CNTN3: variants seen among roughly 807,000 people sequenced by gnomAD.
CNTN3 encodes the protein contactin 3.
In CNTN3, 60 loss-of-function variants were observed where a neutral mutation model predicts 119.1. That is an observed-to-expected ratio of 0.50 (90% CI 0.41 to 0.62). The LOEUF is 0.62. CNTN3 is among the 20% of genes least tolerant of loss of function. CNTN3 has a pLI of 0.00. For synonymous variants in CNTN3, 450 were observed against 438.7 expected (o/e 1.03, Z -0.32); for missense variants, 1,101 against 1,242.4 (o/e 0.89, Z 1.71).
chr3:74,389,244 T>C (rs979472317), intron 5 of CNTN3, among the ~76,000 whole-genome samples: 3 of 152,216 alleles, frequency 2.0e-5, no homozygotes, highest in Admixed American at 6.5e-5. Flanking sequence ...AATTAATAAA[T>C]TGGATTAATT....
At chr3:74,408,244 T>C (rs959501744) in intron 5 of CNTN3, among the ~76,000 whole-genome samples, 5 of 152,200 alleles carry the variant, frequency 3.3e-5, no homozygotes, top group African/African-American at 1.2e-4. Context: ...AGACTAGGAA[T>C]ATTTCTGAGA....
In CNTN3 at chr3:74,264,458, G is replaced by T. The variant is rs199678199; in HGVS notation, c.3030C>A (p.His1010Gln). ...RGSTSAISNV[H>Q]PMSSYMPIVL... ...CTATAGGCATATAACTTGACATAGG[G>T]TGGACATTCGAGATGGCTGAAGTGG... The change falls in exon 23 of 23, where the codon CAC (histidine) becomes CAA (glutamine). Residue 1010 changes from histidine to glutamine, a missense_variant. Transcript: ENST00000263665. 15 of 1,612,202 alleles carry T rather than the reference G, an allele frequency of 9.3e-6. No homozygotes were observed. Among genetic ancestry groups the T allele is most frequent in the Non-Finnish European group, 1.3e-5 (15 of 1,178,800 alleles).
At chr3:74,418,342 CTTT>C (rs56258495) in intron 5 of CNTN3, among the ~76,000 whole-genome samples, 12 of 99,616 alleles carry the variant, frequency 1.2e-4, no homozygotes, top group Non-Finnish European at 1.3e-4. Context: ...AAACATATTC[CTTT>C]TTTTTTTTTT....
chr3:74,308,429 G>T (rs984383035), intron 13 of CNTN3, among the ~76,000 whole-genome samples: 2 of 152,104 alleles, frequency 1.3e-5, no homozygotes, highest in African/African-American at 4.8e-5. Context: ...TGGAATAATT[G>T]CTCCATTACA....
chr3:74,547,204 T>C (rs1276263513), intron 1 of CNTN3, among the ~76,000 whole-genome samples: 1 of 152,224 alleles, frequency 6.6e-6, no homozygotes, highest in African/African-American at 2.4e-5. Flanking sequence ...TTTATAAAAT[T>C]TACAGATATT....
At chr3:74,560,956 C>T (rs996488785) in intron 1 of CNTN3, among the ~76,000 whole-genome samples, 3 of 139,486 alleles carry the variant, frequency 2.2e-5, no homozygotes, top group African/African-American at 8.1e-5. Flanking sequence ...CGTTCTCACT[C>T]ATAGGTGGGA....
At chr3:74,353,879 C>G (rs1374386359) in intron 11 of CNTN3, among the ~76,000 whole-genome samples, 1 of 152,062 alleles carries the variant, frequency 6.6e-6, no homozygotes, top group Non-Finnish European at 1.5e-5. Context: ...GTCATGTCAT[C>G]TCTCACAATC....
At chr3:74,385,932 A>C (rs1212629793) in intron 5 of CNTN3, among the ~76,000 whole-genome samples, 1 of 152,236 alleles carries the variant, frequency 6.6e-6, no homozygotes, top group Non-Finnish European at 1.5e-5. Context: ...AAAGCAGCTA[A>C]GTTGACTTCT....
At chr3:74,335,200 C>A (rs1272129138) in intron 12 of CNTN3, among the ~76,000 whole-genome samples, 1 of 151,998 alleles carries the variant, frequency 6.6e-6, no homozygotes. Context: ...TTATTATTAA[C>A]AAAATCAATT....
intron 20 of CNTN3, among the ~76,000 whole-genome samples, chr3:74,274,472 C>G (rs1701842535): frequency 6.6e-6 from 1 of 152,132 alleles, no homozygotes; most frequent in Non-Finnish European, 1.5e-5. Flanking sequence ...TGGTTTACAT[C>G]ATAGGACTCT....
intron 3 of CNTN3, among the ~76,000 whole-genome samples, chr3:74,489,506 T>C (rs566310987): frequency 1.7e-4 from 25 of 151,264 alleles, no homozygotes; most frequent in African/African-American, 5.8e-4. Flanking sequence ...AAAAAAACAT[T>C]TATGAAGTGT....
intron 5 of CNTN3, among the ~76,000 whole-genome samples, chr3:74,411,101 T>C (rs983860677): frequency 2.0e-5 from 3 of 152,136 alleles, no homozygotes; most frequent in African/African-American, 7.2e-5. Flanking sequence ...TGTTGTTTCT[T>C]TCTCTTTCTT....
At chr3:74,491,365 T>C (rs905084073) in intron 3 of CNTN3, among the ~76,000 whole-genome samples, 4 of 151,510 alleles carry the variant, frequency 2.6e-5, no homozygotes, top group African/African-American at 9.7e-5. Flanking sequence ...TAGCCAGGTG[T>C]GATGGCATGT....
At chr3:74,603,308 C>G (rs1704941198) in intron 1 of CNTN3, among the ~76,000 whole-genome samples, 1 of 152,130 alleles carries the variant, frequency 6.6e-6, no homozygotes, top group Admixed American at 6.5e-5. Context: ...TACATGGCAG[C>G]TGATATTCCA....
chr3:74,594,637 T>C (rs952914256), intron 1 of CNTN3, among the ~76,000 whole-genome samples: 2 of 152,214 alleles, frequency 1.3e-5, no homozygotes, highest in African/African-American at 2.4e-5. Context: ...CATCATTTTT[T>C]ATGGCTGCAT....
intron 1 of CNTN3, among the ~76,000 whole-genome samples, chr3:74,532,739 T>A (rs1703711522): frequency 6.6e-6 from 1 of 152,168 alleles, no homozygotes; most frequent in African/African-American, 2.4e-5. Context: ...TGTTCATTTC[T>A]GGAATTTTCC....
At chr3:74,455,689 T>C (rs556606495) in intron 4 of CNTN3, among the ~76,000 whole-genome samples, 26 of 152,200 alleles carry the variant, frequency 1.7e-4, no homozygotes, top group African/African-American at 6.0e-4. Flanking sequence ...GGTGTGGATG[T>C]CCTTTCTGTT....
intron 1 of CNTN3, among the ~76,000 whole-genome samples, chr3:74,578,980 G>A (rs1704459778): frequency 6.6e-6 from 1 of 151,842 alleles, no homozygotes. Flanking sequence ...CTATCAGGGT[G>A]AAAACAAAGA....
chr3:74,467,059 C>T lies in CNTN3; in HGVS notation c.358+19397G>A, dbSNP rs1056824528. 7.9e-5 allele frequency among the ~76,000 whole-genome samples: 12 copies of T among 151,520 alleles called. No individual in the cohort carries two copies. The East Asian group carries it at 1.7e-3, about 22-fold the overall frequency. On this transcript the variant is annotated intron_variant, in intron 4 of 22. Coordinates refer to ENST00000263665, the MANE Select transcript of CNTN3 (RefSeq NM_020872.3). Reference sequence around the variant, plus strand: ...TTTTGGGATTTTGAAATTAAAGTTCCGAAGTACAATTTATAGCAAATATAA... The same window carrying T: ...TTTTGGGATTTTGAAATTAAAGTTCTGAAGTACAATTTATAGCAAATATAA...
Sources: gnomAD v4.1 joint callset for allele counts (sites outside exome capture counted in the v4.1 genomes callset) on GRCh38, gnomAD v4.1.1 for gene constraint, MANE v1.5 for transcripts, NCBI Gene and HGNC (gene_info 2026-07-23, HGNC 2026-07-21) for gene names.